Variants in TBC1D22A observed in about 807,000 individuals in gnomAD.
TBC1D22A encodes the protein TBC1 domain family member 22A.
TBC1D22A carries 38 observed loss-of-function variants against 60.2 expected under a neutral mutation model. The ratio of observed to expected loss-of-function variants is 0.63; its 90% CI spans 0.49 to 0.83. TBC1D22A has a LOEUF of 0.83. Among genes scored for constraint, TBC1D22A ranks in the 40% least tolerant of loss-of-function variants. The pLI, the probability that TBC1D22A is intolerant of heterozygous loss-of-function variation, is 0.00. For missense variants in TBC1D22A, 628 were observed against 701.0 expected, an observed-to-expected ratio of 0.90 and a Z score of 1.18; for synonymous variants, 302 against 281.7, an observed-to-expected ratio of 1.07 and a Z score of -0.72.
intron 4 of TBC1D22A, among the ~76,000 whole-genome samples, chr22:46,816,304 C>G (rs2085598882): frequency 6.6e-6 from 1 of 152,180 alleles, no homozygotes; most frequent in South Asian, 2.1e-4. Context: ...GGGCTTGGTG[C>G]CGGGCCTGGC....
At chr22:47,055,013 G>A (rs898463118) in intron 11 of TBC1D22A, among the ~76,000 whole-genome samples, 4 of 152,208 alleles carry the variant, frequency 2.6e-5, no homozygotes, top group South Asian at 2.1e-4. Context: ...GGCAGTGGGC[G>A]GGGACCTGGC....
intron 7 of TBC1D22A, among the ~76,000 whole-genome samples, chr22:46,905,124 T>C (rs182224944): frequency 3.2e-4 from 49 of 152,342 alleles, no homozygotes; most frequent in African/African-American, 1.1e-3. Context: ...CGGTGGGGAC[T>C]CTTAGGCACC....
In TBC1D22A at chr22:46,878,760, C is replaced by T. The variant is rs748369471; in HGVS notation, c.708+37C>T. ...CGCACCGCCCATCAGCGCCTCCTTC[C>T]TGTGCACAGGGACTGCAGGCGTCTG... On this transcript the variant is annotated intron_variant, in intron 5 of 12. Coordinates refer to ENST00000337137, the MANE Select transcript of TBC1D22A (RefSeq NM_014346.5). 3.1e-5 allele frequency: 49 copies of T among 1,600,880 alleles called. No homozygotes were observed. In the South Asian group the frequency reaches 5.2e-4, roughly 17 times the overall value.
At chr22:46,872,865 C>A (rs1602251286) in intron 4 of TBC1D22A, among the ~76,000 whole-genome samples, 2 of 152,200 alleles carry the variant, frequency 1.3e-5, no homozygotes, top group East Asian at 3.9e-4. Context: ...GGGAAAGTCA[C>A]CAAAAAGCAG....
chr22:46,861,070 AT>A (rs2087854993), intron 4 of TBC1D22A, among the ~76,000 whole-genome samples: 1 of 151,946 alleles, frequency 6.6e-6, no homozygotes, highest in African/African-American at 2.4e-5. Flanking sequence ...CCATTCTCCT[AT>A]CTCAGCCTCC....
At chr22:46,918,356 C>T (rs989488639) in intron 8 of TBC1D22A, among the ~76,000 whole-genome samples, 13 of 152,298 alleles carry the variant, frequency 8.5e-5, no homozygotes, top group Admixed American at 5.9e-4. Flanking sequence ...ACCCACACAG[C>T]GATGTCCTCC....
At chr22:46,930,076 A>G (rs1215580450) in intron 8 of TBC1D22A, among the ~76,000 whole-genome samples, 1 of 152,052 alleles carries the variant, frequency 6.6e-6, no homozygotes, top group Admixed American at 6.5e-5. Context: ...GAACCTGTAT[A>G]TTGTCATAAG....
chr22:46,878,741 G>C lies in TBC1D22A; in HGVS notation c.708+18G>C. ...TCCTCTCAGTAAGTCCCACCGCACC[G>C]CCCATCAGCGCCTCCTTCCTGTGCA... On this transcript the variant is annotated intron_variant, in intron 5 of 12. Transcript: ENST00000337137. The C allele has an allele frequency of 6.2e-7, 1 of 1,611,128 alleles. No individual in the cohort carries two copies. Among genetic ancestry groups the C allele is most frequent in the Non-Finnish European group, 8.5e-7 (1 of 1,178,300 alleles).
intron 12 of TBC1D22A, among the ~76,000 whole-genome samples, chr22:47,159,743 C>G (rs1290085177): frequency 6.6e-6 from 1 of 151,082 alleles, no homozygotes; most frequent in African/African-American, 2.4e-5. Flanking sequence ...CACCATTCAT[C>G]ATGTATACAC....
chr22:46,920,198 G>C (rs1482460600), intron 8 of TBC1D22A, among the ~76,000 whole-genome samples: 2 of 152,084 alleles, frequency 1.3e-5, no homozygotes, highest in East Asian at 3.9e-4. Context: ...TCCTACCTCA[G>C]CCTCCCAAGT....
At chr22:47,161,342 G>T (rs5767552) in intron 12 of TBC1D22A, among the ~76,000 whole-genome samples, 1 of 18,594 alleles carries the variant, frequency 5.4e-5, no homozygotes, top group East Asian at 2.6e-3. Context: ...CTCTTGGTAT[G>T]GGGGGCACTG....
intron 12 of TBC1D22A, among the ~76,000 whole-genome samples, chr22:47,157,362 C>G (rs2067764666): frequency 6.6e-6 from 1 of 152,246 alleles, no homozygotes; most frequent in Non-Finnish European, 1.5e-5. Flanking sequence ...AAGTTCGTGA[C>G]TGCAGACTCT....
chr22:46,867,190 G>A (rs573571762), intron 4 of TBC1D22A, among the ~76,000 whole-genome samples: 9 of 152,330 alleles, frequency 5.9e-5, no homozygotes, highest in South Asian at 4.1e-4. Flanking sequence ...TGGGCAGCAC[G>A]TTAGCAGCAG....
At chr22:46,961,907 G>C (rs2073526901) in intron 8 of TBC1D22A, among the ~76,000 whole-genome samples, 1 of 152,218 alleles carries the variant, frequency 6.6e-6, no homozygotes, top group African/African-American at 2.4e-5. Flanking sequence ...GTGTGTCTGA[G>C]TGTGTATTTT....
At chr22:47,069,018 T>C (rs1401483375) in intron 11 of TBC1D22A, among the ~76,000 whole-genome samples, 2 of 152,246 alleles carry the variant, frequency 1.3e-5, no homozygotes, top group African/African-American at 4.8e-5. Flanking sequence ...TAGGGTCCTA[T>C]TTTTAGTCCT....
At chr22:47,116,503 A>AT (rs1402379929) in intron 12 of TBC1D22A, 1 of 152,408 alleles carries the variant, frequency 6.6e-6, no homozygotes, top group Non-Finnish European at 1.5e-5. Context: ...TTCCTCCAGC[A>AT]TGGTGGCTGC....
intron 5 of TBC1D22A, among the ~76,000 whole-genome samples, chr22:46,885,988 C>T (rs553491375): frequency 1.3e-5 from 2 of 151,082 alleles, no homozygotes; most frequent in East Asian, 2.0e-4. Context: ...GCTCACTGCA[C>T]GCTCCGCCTC....
intron 12 of TBC1D22A, among the ~76,000 whole-genome samples, chr22:47,143,003 C>G (rs2067164267): frequency 6.6e-6 from 1 of 151,780 alleles, no homozygotes. Context: ...CTGTGAGGGC[C>G]TGCTGGAATC....
intron 12 of TBC1D22A, among the ~76,000 whole-genome samples, chr22:47,152,432 G>C (rs2067540684): frequency 6.6e-6 from 1 of 152,112 alleles, no homozygotes; most frequent in South Asian, 2.1e-4. Flanking sequence ...TGTGGCTGGC[G>C]GGCGTCGGTG....
Sources: gnomAD v4.1 joint callset for allele counts (sites outside exome capture counted in the v4.1 genomes callset) on GRCh38, gnomAD v4.1.1 for gene constraint, MANE v1.5 for transcripts, NCBI Gene and HGNC (gene_info 2026-07-23, HGNC 2026-07-21) for gene names.